SUSD6: variants seen among roughly 807,000 people sequenced by gnomAD.
SUSD6 encodes sushi domain-containing protein 6.
Under a neutral mutation model 28.4 loss-of-function variants are expected in SUSD6, and 16 were observed. The ratio of observed to expected loss-of-function variants is 0.56; its 90% CI spans 0.38 to 0.86. The LOEUF is 0.86. Ranked by LOEUF, SUSD6 falls within the 40% of genes least tolerant of loss-of-function variation. SUSD6 has a pLI of 0.00. For missense variants in SUSD6, 341 were observed against 384.2 expected (o/e 0.89, Z 0.94); for synonymous variants, 147 against 159.6 (o/e 0.92, Z 0.59).
At position 69,710,951 on chromosome 14, in the gene SUSD6, C is replaced by G; in HGVS notation, c.887-3C>G. The G allele has an allele frequency of 1.2e-6, 2 of 1,614,064 alleles. No individual in the cohort carries two copies. Among genetic ancestry groups the G allele is most frequent in the Non-Finnish European group, 1.7e-6 (2 of 1,179,958 alleles). ...CTGTGCTTTTCTTCTGGTCTTCCTG[C>G]AGATATTCCACTGTTGAAAGAAGCA... On this transcript the variant is annotated splice_region_variant and splice_polypyrimidine_tract_variant and intron_variant, in intron 5 of 5. Coordinates refer to ENST00000342745, the MANE Select transcript of SUSD6 (RefSeq NM_014734.4).
chr14:69,686,558 G>A (rs1886076922), intron 2 of SUSD6, among the ~76,000 whole-genome samples: 1 of 152,200 alleles, frequency 6.6e-6, no homozygotes, highest in Non-Finnish European at 1.5e-5. Context: ...ATTTACAAAA[G>A]AAAGAGATTT....
intron 1 of SUSD6, among the ~76,000 whole-genome samples, chr14:69,648,997 A>G (rs185810828): frequency 6.6e-6 from 1 of 152,254 alleles, no homozygotes; most frequent in Admixed American, 6.5e-5. Flanking sequence ...AAATTTGTGC[A>G]TGGGTTCAAG....
At chr14:69,649,672 G>A (rs961819402) in intron 1 of SUSD6, among the ~76,000 whole-genome samples, 1 of 152,176 alleles carries the variant, frequency 6.6e-6, no homozygotes. Flanking sequence ...CGGAAATGCA[G>A]CATACAAAAG....
At chr14:69,690,807 G>A (rs1210460312) in intron 2 of SUSD6, among the ~76,000 whole-genome samples, 4 of 152,160 alleles carry the variant, frequency 2.6e-5, no homozygotes, top group East Asian at 1.9e-4. Context: ...GGTAACTTCC[G>A]CTCCACCTGC....
At chr14:69,674,894 A>T (rs1355556881) in intron 2 of SUSD6, among the ~76,000 whole-genome samples, 1 of 152,178 alleles carries the variant, frequency 6.6e-6, no homozygotes, top group East Asian at 1.9e-4. Context: ...ACTAGCCTGA[A>T]GTCTCTGTTG....
rs538177810 is a variant in SUSD6 at position 69,703,737 on chromosome 14, T to C, written c.319+145T>C. On this transcript the variant is annotated intron_variant, in intron 3 of 5. Transcript: ENST00000342745. ...TGCTCTGCAGCCTCCCTTCCTTGGG[T>C]CTTCATGTCTTTGTGGAAGATACTT... 15 of 698,036 alleles carry C rather than the reference T, an allele frequency of 2.1e-5. No individual in the cohort carries two copies. The Admixed American group carries it at 3.4e-4, about 16-fold the overall frequency. 43.2% of individuals were successfully genotyped at this position (698,036 alleles called of 1,614,324 possible). A position where few individuals can be genotyped will look rare whatever the true frequency, so the allele number is the denominator to read the frequency against.
intron 2 of SUSD6, among the ~76,000 whole-genome samples, chr14:69,693,829 C>T (rs1175769878): frequency 2.0e-5 from 3 of 152,168 alleles, no homozygotes; most frequent in African/African-American, 7.2e-5. Flanking sequence ...CAAGACTATG[C>T]TCTTACTCCA....
At chr14:69,653,800 A>G (rs1245352696) in intron 1 of SUSD6, among the ~76,000 whole-genome samples, 1 of 139,418 alleles carries the variant, frequency 7.2e-6, no homozygotes, top group East Asian at 2.0e-4. Context: ...TCCAAGGACA[A>G]GTCTTGTTTT....
At position 69,714,472 on chromosome 14, in the gene SUSD6, A is replaced by T. The variant is rs557249101; in HGVS notation, c.*3493A>T. 3 of 152,144 alleles carry T rather than the reference A, an allele frequency of 2.0e-5. No homozygotes were observed. In the South Asian group the frequency reaches 6.2e-4, roughly 32 times the overall value. The allele number at this position is 152,144 out of a possible 1,614,324, so 9.4% of individuals were successfully genotyped here. A position where few individuals can be genotyped will look rare whatever the true frequency, so the allele number is the denominator to read the frequency against. On this transcript the variant is annotated 3_prime_UTR_variant, in exon 6 of 6. Coordinates refer to ENST00000342745, the MANE Select transcript of SUSD6 (RefSeq NM_014734.4). ...AAAAAAAAAGGCCTAGCAGGGAAGC[A>T]GCATGCAGGCTTCACAGCTTAATGC...
At chr14:69,692,062 CAT>C (rs113050193) in intron 2 of SUSD6, among the ~76,000 whole-genome samples, 10 of 149,668 alleles carry the variant, frequency 6.7e-5, no homozygotes, top group African/African-American at 2.5e-4. Context: ...AAAAAGAAGT[CAT>C]GTGTTCTCAG....
intron 2 of SUSD6, among the ~76,000 whole-genome samples, chr14:69,696,794 A>G (rs893765143): frequency 6.6e-6 from 1 of 152,246 alleles, no homozygotes; most frequent in Non-Finnish European, 1.5e-5. Context: ...GAGGTGTGCT[A>G]TAAGTGTAAC....
intron 2 of SUSD6, among the ~76,000 whole-genome samples, chr14:69,686,717 T>A (rs920231978): frequency 6.6e-6 from 1 of 152,168 alleles, no homozygotes; most frequent in African/African-American, 2.4e-5. Context: ...TCAAATCTTG[T>A]GAGACCCATT....
intron 1 of SUSD6, among the ~76,000 whole-genome samples, chr14:69,621,766 G>A (rs984609861): frequency 5.9e-5 from 9 of 152,172 alleles, no homozygotes; most frequent in African/African-American, 1.7e-4. Context: ...TTTTGGGGGG[G>A]CAGTTCTACT....
intron 1 of SUSD6, among the ~76,000 whole-genome samples, chr14:69,646,292 C>T (rs1305721537): frequency 6.6e-6 from 1 of 152,176 alleles, no homozygotes; most frequent in Non-Finnish European, 1.5e-5. Context: ...GAGTATCTCT[C>T]ATAGGCTTTC....
At chr14:69,635,018 T>G (rs1379375577) in intron 1 of SUSD6, among the ~76,000 whole-genome samples, 1 of 152,240 alleles carries the variant, frequency 6.6e-6, no homozygotes, top group East Asian at 1.9e-4. Context: ...TTTATTTAAA[T>G]GTCAGCAGTA....
chr14:69,698,645 G>A (rs928712589), intron 2 of SUSD6, among the ~76,000 whole-genome samples: 1 of 152,218 alleles, frequency 6.6e-6, no homozygotes, highest in Non-Finnish European at 1.5e-5. Context: ...AAAGGCTGGT[G>A]AGGGTCCTCA....
chr14:69,643,237 A>G lies in SUSD6; in HGVS notation c.-80-15276A>G, dbSNP rs1885379883. On this transcript the variant is annotated intron_variant, in intron 1 of 5. Coordinates refer to ENST00000342745, the MANE Select transcript of SUSD6 (RefSeq NM_014734.4). Reference sequence around the variant, plus strand: ...ATTATTCCACCATGACTAGAGGTAGATATTCCTCAGCTGTCCCTCAAATCA... The same window carrying G: ...ATTATTCCACCATGACTAGAGGTAGGTATTCCTCAGCTGTCCCTCAAATCA... Among the ~76,000 whole-genome samples the G allele has an allele frequency of 2.6e-5, 4 of 152,180 alleles. No individual in the cohort carries two copies. The South Asian group carries it at 8.3e-4, about 32-fold the overall frequency.
At chr14:69,672,802 G>A (rs921716341) in intron 2 of SUSD6, among the ~76,000 whole-genome samples, 1 of 152,198 alleles carries the variant, frequency 6.6e-6, no homozygotes, top group Non-Finnish European at 1.5e-5. Flanking sequence ...GCCTTAGGCC[G>A]ACTCTCCAGT....
chr14:69,628,583 T>C lies in SUSD6; in HGVS notation c.-81+16755T>C, dbSNP rs549553744. On this transcript the variant is annotated intron_variant, in intron 1 of 5. Transcript: ENST00000342745. ...TGAATGTGTGCCCTGTGCCAGGCAG[T>C]GTGCTCAGTGCTTTAACTCGGTAGG... Among the ~76,000 whole-genome samples, 29 of 152,298 alleles carry C rather than the reference T, an allele frequency of 1.9e-4. No individual in the cohort carries two copies. The South Asian group carries it at 6.0e-3, about 32-fold the overall frequency.
Sources: allele counts gnomAD v4.1 joint callset (sites outside exome capture counted in the v4.1 genomes callset), GRCh38; gene constraint gnomAD v4.1.1; transcripts MANE v1.5; gene names NCBI Gene and HGNC (gene_info 2026-07-23, HGNC 2026-07-21).